Variants in AP3B1 observed in about 807,000 individuals in gnomAD.
AP3B1 encodes the protein adaptor related protein complex 3 subunit beta 1.
A neutral mutation model predicts 132.5 loss-of-function variants in AP3B1; 61 were observed. That is an observed-to-expected ratio of 0.46 (90% CI 0.37 to 0.57). The LOEUF is 0.57. AP3B1 is among the 20% of genes least tolerant of loss of function. The pLI, the probability that AP3B1 is intolerant of heterozygous loss-of-function variation, is 0.00. For missense variants in AP3B1, 1,120 were observed against 1,289.4 expected, an observed-to-expected ratio of 0.87 and a Z score of 2.01; for synonymous variants, 388 against 438.3, an observed-to-expected ratio of 0.89 and a Z score of 1.43.
intron 26 of AP3B1, among the ~76,000 whole-genome samples, chr5:78,010,210 T>C (rs113263007): frequency 0.034 from 5,178 of 152,300 alleles, 298 homozygotes; most frequent in African/African-American, 0.12. Context: ...CTGGCATCCC[T>C]TACTGACTAA....
Position 78,236,656 on chromosome 5 carries a change from T to C in AP3B1, c.279+4206A>G, listed in dbSNP as rs530654854. 7.9e-5 allele frequency among the ~76,000 whole-genome samples: 12 copies of C among 152,214 alleles called. No homozygotes were observed. In the South Asian group the frequency reaches 2.3e-3, roughly 29 times the overall value. Reference sequence around the variant, plus strand: ...GGTTATTTGTGAGGATAAAACGGAGTAGATCTATGCAAGGCACTAATAACC... The same window carrying C: ...GGTTATTTGTGAGGATAAAACGGAGCAGATCTATGCAAGGCACTAATAACC... On this transcript the variant is annotated intron_variant, in intron 3 of 26. Transcript: ENST00000255194.
At chr5:78,161,346 TCTAA>T (rs1281842606) in intron 13 of AP3B1, among the ~76,000 whole-genome samples, 1 of 152,012 alleles carries the variant, frequency 6.6e-6, no homozygotes. Flanking sequence ...TAATCAGTGT[TCTAA>T]CTAATTTCCG....
intron 1 of AP3B1, among the ~76,000 whole-genome samples, chr5:78,270,100 T>G (rs1175864718): frequency 1.3e-5 from 2 of 151,964 alleles, no homozygotes; most frequent in Non-Finnish European, 2.9e-5. Flanking sequence ...TAAGTAGAGA[T>G]GGGGTTTCAT....
At chr5:78,163,257 G>A (rs978530177) in intron 12 of AP3B1, among the ~76,000 whole-genome samples, 1 of 152,082 alleles carries the variant, frequency 6.6e-6, no homozygotes, top group Non-Finnish European at 1.5e-5. Flanking sequence ...TTAAGTGCAA[G>A]GTTGAAAGAG....
chr5:78,245,215 C>G (rs141405583), intron 2 of AP3B1, among the ~76,000 whole-genome samples: 2 of 152,154 alleles, frequency 1.3e-5, no homozygotes, highest in East Asian at 3.9e-4. Context: ...GAGAAGCAGA[C>G]GTTCAGGGCG....
chr5:78,120,750 T>C (rs923088093), intron 17 of AP3B1, among the ~76,000 whole-genome samples: 2 of 152,106 alleles, frequency 1.3e-5, no homozygotes, highest in African/African-American at 4.8e-5. Flanking sequence ...AATGGGAGAC[T>C]TTAACACCCT....
chr5:78,142,998 T>C (rs1413086447), intron 14 of AP3B1, among the ~76,000 whole-genome samples: 1 of 152,148 alleles, frequency 6.6e-6, no homozygotes, highest in Non-Finnish European at 1.5e-5. Context: ...TTTTCCAGTA[T>C]AGAGGAATTC....
chr5:78,266,751 A>G (rs369205716), intron 2 of AP3B1, among the ~76,000 whole-genome samples: 1 of 152,232 alleles, frequency 6.6e-6, no homozygotes, highest in Non-Finnish European at 1.5e-5. Context: ...CAGTGAAACA[A>G]AAGCAAAACT....
intron 3 of AP3B1, among the ~76,000 whole-genome samples, chr5:78,236,042 A>C (rs1467893137): frequency 6.6e-6 from 1 of 152,176 alleles, no homozygotes; most frequent in Non-Finnish European, 1.5e-5. Context: ...ACCATGTTTC[A>C]AAAAAATAAA....
chr5:78,003,075 GA>G lies in AP3B1; in HGVS notation c.3132-21del, dbSNP rs754678823. Reference sequence around the variant, plus strand: ...GCAAACCTGGAAGAGAAAAAAGAGAGACCTTTTATCATAAGATGGGGAGGGT... The same window carrying G: ...GCAAACCTGGAAGAGAAAAAAGAGAGCCTTTTATCATAAGATGGGGAGGGT... On this transcript the variant is annotated intron_variant, in intron 26 of 26. Transcript: ENST00000255194. 2 of 1,613,084 alleles carry G rather than the reference GA, an allele frequency of 1.2e-6. No homozygotes were observed. The highest frequency in any genetic ancestry group is 4.5e-5 in the East Asian group (2 of 44,892).
In AP3B1 at chr5:78,094,683, T is replaced by C. The variant is rs532680569; in HGVS notation, c.2471-5184A>G. Among the ~76,000 whole-genome samples the C allele has an allele frequency of 3.9e-5, 6 of 152,170 alleles. No individual in the cohort carries two copies. The South Asian group carries it at 1.2e-3, about 32-fold the overall frequency. On this transcript the variant is annotated intron_variant, in intron 21 of 26. Coordinates refer to ENST00000255194, the MANE Select transcript of AP3B1 (RefSeq NM_003664.5). ...CAGCTTGACTGACTCTTTTTTTCTT[T>C]CTTTTTTCTTTTTTTGTAGTGGAAT...
chr5:78,072,979 C>T (rs1291916003), intron 22 of AP3B1, among the ~76,000 whole-genome samples: 2 of 152,142 alleles, frequency 1.3e-5, no homozygotes, highest in Non-Finnish European at 2.9e-5. Flanking sequence ...CTCGGCCTCC[C>T]AAAGTGCTGG....
intron 22 of AP3B1, chr5:78,044,022 G>T (rs11746090): frequency 2.8e-5 from 8 of 289,362 alleles, no homozygotes; most frequent in Admixed American, 2.1e-4. Context: ...AACCCCTGAA[G>T]GAAAATCTCC....
chr5:78,044,041 A>T, intron 22 of AP3B1: 2 of 305,310 alleles, frequency 6.6e-6, no homozygotes, highest in South Asian at 7.0e-5. Flanking sequence ...CCTTGTTAGA[A>T]TAGAAGGTAT....
intron 25 of AP3B1, among the ~76,000 whole-genome samples, chr5:78,016,971 T>C (rs2112057320): frequency 6.6e-6 from 1 of 152,258 alleles, no homozygotes. Context: ...AATAAATGAA[T>C]GCAACTATGT....
chr5:78,294,475 G>A lies in AP3B1; in HGVS notation c.105C>T (p.Gly35=), dbSNP rs1749667965. The change falls in exon 1 of 27, where the codon GGC becomes GGT. Residue 35 remains glycine, a synonymous_variant. Transcript: ENST00000255194. ...ACTTCTTCAAATCGCTGCTAAAGAG[G>A]CCGAAGGCCCCCGAGGGGGAAATGG... The part of the protein sequence containing the change: ...TSTISPSGAF[G]LFSSDLKKNE... The A allele has an allele frequency of 6.2e-7, 1 of 1,614,218 alleles. No individual in the cohort carries two copies. The highest frequency in any genetic ancestry group is 1.3e-5 in the African/African-American group (1 of 75,072).
intron 15 of AP3B1, among the ~76,000 whole-genome samples, chr5:78,138,047 A>G (rs927271974): frequency 6.6e-6 from 1 of 152,238 alleles, no homozygotes; most frequent in African/African-American, 2.4e-5. Context: ...GCTAAAATAA[A>G]TAAGTAGAGA....
At chr5:78,271,990 G>A (rs937659586) in intron 1 of AP3B1, among the ~76,000 whole-genome samples, 1 of 152,132 alleles carries the variant, frequency 6.6e-6, no homozygotes, top group African/African-American at 2.4e-5. Flanking sequence ...GAGATTAACT[G>A]AGAGTCCAGC....
intron 6 of AP3B1, 112 bp from the exon 7 acceptor site, chr5:78,216,349 G>T: frequency 1.0e-6 from 1 of 983,810 alleles, no homozygotes; most frequent in Non-Finnish European, 1.6e-6. Context: ...AAAGTATTCA[G>T]TCATTCAATT....
Sources: allele counts gnomAD v4.1 joint callset (sites outside exome capture counted in the v4.1 genomes callset), GRCh38; gene constraint gnomAD v4.1.1; transcripts MANE v1.5; gene names NCBI Gene and HGNC (gene_info 2026-07-23, HGNC 2026-07-21).